The following ANKIB1 variants were observed in gnomAD, a reference collection of about 807,000 sequenced individuals.
The protein encoded by ANKIB1 is ankyrin repeat and IBR domain-containing protein 1.
In ANKIB1, 43 loss-of-function variants were observed where a neutral mutation model predicts 122.1. The ratio of observed to expected loss-of-function variants is 0.35; its 90% CI spans 0.28 to 0.45. ANKIB1 has a LOEUF of 0.45. Ranked by LOEUF, ANKIB1 falls within the 20% of genes least tolerant of loss-of-function variation. The pLI is 1.00. For missense variants in ANKIB1, 992 were observed against 1,329.5 expected, an observed-to-expected ratio of 0.75 and a Z score of 3.95; for synonymous variants, 390 against 442.0, an observed-to-expected ratio of 0.88 and a Z score of 1.48.
At position 92,390,135 on chromosome 7, in the gene ANKIB1, C is replaced by T. The variant is rs1312229750; in HGVS notation, c.2052+19C>T. 3.9e-6 allele frequency: 6 copies of T among 1,522,962 alleles called. No homozygotes were observed. The highest frequency in any genetic ancestry group is 2.1e-4 in the Middle Eastern group (1 of 4,832). The allele number at this position is 1,522,962 out of a possible 1,614,324, so 94.3% of individuals were successfully genotyped here. A position where few individuals can be genotyped will look rare whatever the true frequency, so the allele number is the denominator to read the frequency against. On this transcript the variant is annotated intron_variant, in intron 15 of 19. Coordinates refer to ENST00000265742, the MANE Select transcript of ANKIB1 (RefSeq NM_019004.2). Reference sequence around the variant, plus strand: ...AATGCAAGTAAGATTTTTTTAATTACATTTAAATGGCAGCAGTTATTATGA... The same window carrying T: ...AATGCAAGTAAGATTTTTTTAATTATATTTAAATGGCAGCAGTTATTATGA...
At chr7:92,369,136 A>C (rs1252756683) in intron 10 of ANKIB1, among the ~76,000 whole-genome samples, 1 of 152,222 alleles carries the variant, frequency 6.6e-6, no homozygotes, top group African/African-American at 2.4e-5. Context: ...TACCCTTTGT[A>C]AGTGGAATTG....
chr7:92,396,331 C>T (rs1368921883), intron 17 of ANKIB1, 34 bp from the exon 18 acceptor site: 3 of 1,158,494 alleles, frequency 2.6e-6, no homozygotes, highest in Non-Finnish European at 3.8e-6. Context: ...AAATTGCATG[C>T]TCTCTTGTAT....
chr7:92,393,444 G>A (rs1477312549), intron 17 of ANKIB1, among the ~76,000 whole-genome samples: 4 of 151,624 alleles, frequency 2.6e-5, no homozygotes, highest in African/African-American at 9.7e-5. Flanking sequence ...TACAACTTCG[G>A]GGATATTGTG....
At chr7:92,272,021 G>A (rs1246204630) in intron 1 of ANKIB1, among the ~76,000 whole-genome samples, 2 of 152,150 alleles carry the variant, frequency 1.3e-5, no homozygotes, top group African/African-American at 2.4e-5. Context: ...CTAGGGGAAG[G>A]GGAAATGAAG....
intron 3 of ANKIB1, among the ~76,000 whole-genome samples, chr7:92,309,942 A>AAATAT (rs1335765681): frequency 3.3e-5 from 3 of 91,786 alleles, no homozygotes; most frequent in East Asian, 9.2e-4. Context: ...AAAAAAAAAA[A>AAATAT]ATATATATAT....
At position 92,380,884 on chromosome 7, in the gene ANKIB1, A is replaced by T. The variant is rs190895684; in HGVS notation, c.1618-5625A>T. ...ATTGCAGCTCCTCGCCAGCAACGGA[A>T]CAAAGCAGGATGGAGAATGACTTTG... On this transcript the variant is annotated intron_variant, in intron 11 of 19. Transcript: ENST00000265742. Among the ~76,000 whole-genome samples the T allele has an allele frequency of 7.1e-3, 1,087 of 152,314 alleles. 11 individuals are homozygous for T. Among genetic ancestry groups the T allele is most frequent in the African/African-American group, 0.025 (1,035 of 41,560 alleles).
chr7:92,293,314 C>T (rs993559636), intron 1 of ANKIB1, among the ~76,000 whole-genome samples: 1 of 152,122 alleles, frequency 6.6e-6, no homozygotes, highest in South Asian at 2.1e-4. Flanking sequence ...AAGCCTATGT[C>T]GAACACTGTG....
At chr7:92,343,272 T>G (rs1316234364) in intron 6 of ANKIB1, 40 bp downstream of exon 6, 1 of 1,529,094 alleles carries the variant, frequency 6.5e-7, no homozygotes, top group African/African-American at 1.4e-5. Flanking sequence ...TAGCTTTGTT[T>G]ATAGTCTTTT....
intron 3 of ANKIB1, among the ~76,000 whole-genome samples, chr7:92,310,580 T>A (rs1342679072): frequency 1.3e-5 from 2 of 152,150 alleles, no homozygotes; most frequent in Non-Finnish European, 2.9e-5. Context: ...TAAATACAGT[T>A]GTCACTTGGT....
intron 18 of ANKIB1, among the ~76,000 whole-genome samples, chr7:92,396,907 T>A (rs1239913173): frequency 6.6e-6 from 1 of 152,190 alleles, no homozygotes; most frequent in African/African-American, 2.4e-5. Flanking sequence ...TAGCCTTAGT[T>A]GTCCTGTAGA....
chr7:92,303,185 T>C (rs951714061), intron 2 of ANKIB1, among the ~76,000 whole-genome samples: 6 of 152,218 alleles, frequency 3.9e-5, no homozygotes, highest in Non-Finnish European at 7.3e-5. Context: ...GAGCATCTCT[T>C]ATTCAAAATG....
chr7:92,374,756 G>A (rs1804345192), intron 11 of ANKIB1, among the ~76,000 whole-genome samples: 1 of 151,844 alleles, frequency 6.6e-6, no homozygotes, highest in Admixed American at 6.6e-5. Flanking sequence ...CAGGAGAAAG[G>A]TTCTGGTTTT....
intron 1 of ANKIB1, among the ~76,000 whole-genome samples, chr7:92,281,944 A>G (rs2131903032): frequency 6.6e-6 from 1 of 152,338 alleles, no homozygotes; most frequent in East Asian, 1.9e-4. Flanking sequence ...CCAAAGTGTA[A>G]ACATAGAATT....
intron 5 of ANKIB1, among the ~76,000 whole-genome samples, chr7:92,339,919 G>T: frequency 7.0e-6 from 1 of 143,642 alleles, no homozygotes; most frequent in Middle Eastern, 3.6e-3. Context: ...AGTTTGGTTG[G>T]TTGTAGGGTT....
intron 1 of ANKIB1, among the ~76,000 whole-genome samples, chr7:92,265,448 A>G (rs1801652234): frequency 6.6e-6 from 1 of 152,266 alleles, no homozygotes; most frequent in African/African-American, 2.4e-5. Context: ...GGAGCAAAAA[A>G]GGGGCCAGTG....
chr7:92,296,689 A>G lies in ANKIB1; in HGVS notation c.188+1523A>G, dbSNP rs184991026. Among the ~76,000 whole-genome samples, 265 of 152,188 alleles carry G rather than the reference A, an allele frequency of 1.7e-3. 1 individual carries two copies. Among genetic ancestry groups the G allele is most frequent in the African/African-American group, 6.2e-3 (257 of 41,536 alleles). On this transcript the variant is annotated intron_variant, in intron 2 of 19. Coordinates refer to ENST00000265742, the MANE Select transcript of ANKIB1 (RefSeq NM_019004.2). Reference sequence around the variant, plus strand: ...GTATAGCTTCTCTCTGCCTACCTATATTAATAACTTTTTTAAAGGTATCTT... The same window carrying G: ...GTATAGCTTCTCTCTGCCTACCTATGTTAATAACTTTTTTAAAGGTATCTT...
intron 2 of ANKIB1, among the ~76,000 whole-genome samples, chr7:92,296,434 C>G (rs1802357795): frequency 6.6e-6 from 1 of 152,048 alleles, no homozygotes; most frequent in Non-Finnish European, 1.5e-5. Context: ...CTGTGTTGCC[C>G]AGTCTAGTCT....
intron 9 of ANKIB1, among the ~76,000 whole-genome samples, chr7:92,361,167 C>T (rs1266890771): frequency 6.6e-6 from 1 of 152,176 alleles, no homozygotes; most frequent in African/African-American, 2.4e-5. Context: ...TACAATATAG[C>T]ATCATCTTGA....
chr7:92,261,556 C>G (rs1281352264), intron 1 of ANKIB1, among the ~76,000 whole-genome samples: 1 of 152,078 alleles, frequency 6.6e-6, no homozygotes, highest in Non-Finnish European at 1.5e-5. Context: ...TTTTAGATGA[C>G]TTTATGTCAT....
Sources: allele counts gnomAD v4.1 joint callset (sites outside exome capture counted in the v4.1 genomes callset), GRCh38; gene constraint gnomAD v4.1.1; transcripts MANE v1.5; gene names NCBI Gene and HGNC (gene_info 2026-07-23, HGNC 2026-07-21).